The following DOCK2 variants were observed in gnomAD, a reference collection of about 807,000 sequenced individuals.
DOCK2 encodes the protein dedicator of cytokinesis 2.
Under a neutral mutation model 248.9 loss-of-function variants are expected in DOCK2, and 87 were observed. That is an observed-to-expected ratio of 0.35 (90% CI 0.29 to 0.42). The LOEUF (loss-of-function observed/expected upper bound fraction) is 0.42, where lower values mean the gene tolerates loss of function less well. Among genes scored for constraint, DOCK2 ranks in the 10% least tolerant of loss-of-function variants. DOCK2 has a pLI of 1.00. For synonymous variants in DOCK2, 805 were observed against 821.6 expected (o/e 0.98, Z 0.35); for missense variants, 1,747 against 2,300.2 (o/e 0.76, Z 4.92).
At chr5:169,998,005 C>T in intron 30 of DOCK2, 1 of 456,324 alleles carries the variant, frequency 2.2e-6, no homozygotes, top group Non-Finnish European at 4.4e-6. Context: ...TGACGAAGGG[C>T]TTGCTGGAAG....
At chr5:169,909,113 C>A (rs1418144211) in intron 27 of DOCK2, among the ~76,000 whole-genome samples, 1 of 152,188 alleles carries the variant, frequency 6.6e-6, no homozygotes, top group Non-Finnish European at 1.5e-5. Flanking sequence ...TGGATGATTT[C>A]ATCACCTTTG....
intron 44 of DOCK2, among the ~76,000 whole-genome samples, chr5:170,058,456 T>G (rs1757213486): frequency 6.6e-6 from 1 of 151,918 alleles, no homozygotes; most frequent in African/African-American, 2.4e-5. Context: ...AGCAGAAAGG[T>G]GATATATGAG....
At chr5:169,824,497 A>G (rs1768710680) in intron 26 of DOCK2, among the ~76,000 whole-genome samples, 1 of 152,236 alleles carries the variant, frequency 6.6e-6, no homozygotes, top group South Asian at 2.1e-4. Context: ...ATCTTTGACA[A>G]ACCTGAGAAA....
rs546181182 is a variant in DOCK2, at chr5:169,872,240, G to A, written c.2799+31388G>A. Among the ~76,000 whole-genome samples the A allele has an allele frequency of 2.3e-3, 355 of 152,318 alleles. 6 individuals carry two copies. The highest frequency in any genetic ancestry group is 6.7e-3 in the African/African-American group (277 of 41,560). ...ACCTCCTGCAACTTTCTCTTTTAAAGAATTAGCTGTAAGAATCAATGGATG... is the reference window on the plus strand; with the variant it reads ...ACCTCCTGCAACTTTCTCTTTTAAAAAATTAGCTGTAAGAATCAATGGATG... On this transcript the variant is annotated intron_variant, in intron 27 of 51. Transcript: ENST00000520908.
intron 10 of DOCK2, among the ~76,000 whole-genome samples, chr5:169,696,693 T>C (rs1760652022): frequency 6.6e-6 from 1 of 152,212 alleles, no homozygotes; most frequent in Non-Finnish European, 1.5e-5. Flanking sequence ...GTACCATAGC[T>C]AACCTCAGTG....
chr5:169,836,237 C>T (rs1200100402), intron 26 of DOCK2, among the ~76,000 whole-genome samples: 2 of 152,174 alleles, frequency 1.3e-5, no homozygotes, highest in Non-Finnish European at 2.9e-5. Context: ...TTTCATTTAA[C>T]TGGTAAACCA....
At chr5:169,837,791 A>C (rs1769681934) in intron 26 of DOCK2, among the ~76,000 whole-genome samples, 1 of 152,184 alleles carries the variant, frequency 6.6e-6, no homozygotes, top group African/African-American at 2.4e-5. Context: ...ACACTCTGCT[A>C]TGCAACCTCC....
At chr5:169,978,836 T>C (rs904622500) in intron 27 of DOCK2, among the ~76,000 whole-genome samples, 5 of 152,192 alleles carry the variant, frequency 3.3e-5, no homozygotes, top group Non-Finnish European at 7.3e-5. Context: ...GCACTTATTT[T>C]TACACGTTTG....
chr5:169,770,468 T>TA (rs78685507), intron 25 of DOCK2, among the ~76,000 whole-genome samples: 135 of 151,708 alleles, frequency 8.9e-4, no homozygotes, highest in Non-Finnish European at 1.6e-3. Context: ...TGAAGTTTTT[T>TA]AAAAAAAACT....
chr5:169,868,888 AC>A, intron 27 of DOCK2, among the ~76,000 whole-genome samples: 1 of 152,326 alleles, frequency 6.6e-6, no homozygotes, highest in African/African-American at 2.4e-5. Context: ...GCCCAGCCCA[AC>A]ATAGAGGATG....
At chr5:169,959,840 C>T (rs1212801248) in intron 27 of DOCK2, among the ~76,000 whole-genome samples, 1 of 152,030 alleles carries the variant, frequency 6.6e-6, no homozygotes, top group East Asian at 1.9e-4. Flanking sequence ...ATAGGAAATA[C>T]AACAATAGGA....
intron 27 of DOCK2, among the ~76,000 whole-genome samples, chr5:169,922,038 A>G (rs1160165944): frequency 1.3e-5 from 2 of 152,210 alleles, no homozygotes; most frequent in Non-Finnish European, 2.9e-5. Flanking sequence ...GAGCTTTTCC[A>G]TGACTCAAAT....
chr5:170,042,369 C>T (rs534948685), intron 38 of DOCK2, among the ~76,000 whole-genome samples: 2 of 152,176 alleles, frequency 1.3e-5, no homozygotes, highest in Non-Finnish European at 2.9e-5. Context: ...TCCTCCACTA[C>T]CCCCAACAGA....
chr5:170,057,375 A>G (rs1757167937), intron 43 of DOCK2: 1 of 630,114 alleles, frequency 1.6e-6, no homozygotes, highest in East Asian at 2.8e-5. Context: ...GCCTAAGTCC[A>G]GGGAGAGCTT....
chr5:169,958,228 C>CA (rs34936678), intron 27 of DOCK2, among the ~76,000 whole-genome samples: 44 of 150,394 alleles, frequency 2.9e-4, no homozygotes, highest in Admixed American at 1.3e-3. Flanking sequence ...CTTTGTTTTG[C>CA]AAAAAAAAAA....
chr5:170,041,964 C>G, intron 37 of DOCK2, 49 bp from the exon 38 acceptor site: 1 of 1,600,014 alleles, frequency 6.2e-7, no homozygotes, highest in South Asian at 1.1e-5. Flanking sequence ...GACACCTGCT[C>G]TTGGCAGCCT....
chr5:169,787,298 A>T (rs2113035461), intron 25 of DOCK2, among the ~76,000 whole-genome samples: 1 of 152,194 alleles, frequency 6.6e-6, no homozygotes, highest in Middle Eastern at 3.4e-3. Flanking sequence ...TTATCATTCC[A>T]CCTTGTCTTG....
chr5:169,718,252 C>T (rs1183777519), intron 21 of DOCK2, among the ~76,000 whole-genome samples: 1 of 151,910 alleles, frequency 6.6e-6, no homozygotes, highest in African/African-American at 2.4e-5. Flanking sequence ...GAAGTCTGCC[C>T]TATGGTAAAG....
At chr5:169,755,447 A>G (rs1035460916) in intron 23 of DOCK2, among the ~76,000 whole-genome samples, 2 of 152,222 alleles carry the variant, frequency 1.3e-5, no homozygotes, top group African/African-American at 4.8e-5. Flanking sequence ...TAATGAGAGT[A>G]AAAATAATAG....
Sources: allele counts gnomAD v4.1 joint callset (sites outside exome capture counted in the v4.1 genomes callset), GRCh38; gene constraint gnomAD v4.1.1; transcripts MANE v1.5; gene names NCBI Gene and HGNC (gene_info 2026-07-23, HGNC 2026-07-21).